The following ENTREP2 variants were observed in gnomAD, a reference collection of about 807,000 sequenced individuals.
ENTREP2 encodes the protein protein ENTREP2.
the ENTREP2 span, among the ~76,000 whole-genome samples, chr15:29,421,048 G>A: frequency 3.3e-5 from 5 of 152,298 alleles, no homozygotes; most frequent in Non-Finnish European, 5.9e-5. Flanking sequence ...GAGGGAACCC[G>A]GGCTGACAGC....
At chr15:29,205,218 C>A in the ENTREP2 span, among the ~76,000 whole-genome samples, 7 of 152,324 alleles carry the variant, frequency 4.6e-5, no homozygotes, top group African/African-American at 1.7e-4. Flanking sequence ...GATAATTCAT[C>A]TGTAGATGGA....
the ENTREP2 span, among the ~76,000 whole-genome samples, chr15:29,155,922 A>G: frequency 6.6e-6 from 1 of 152,060 alleles, no homozygotes; most frequent in Non-Finnish European, 1.5e-5. Flanking sequence ...TAATGTTTGT[A>G]GCAGGACTAG....
chr15:29,570,450 C>G, the ENTREP2 span: 813,022 of 1,125,428 alleles, frequency 0.72, 294,924 homozygotes, highest in South Asian at 0.79. Context: ...AGCGCCTAGC[C>G]CCCCCGGCCC....
the ENTREP2 span, among the ~76,000 whole-genome samples, chr15:29,219,254 A>G: frequency 2.0e-5 from 3 of 152,204 alleles, no homozygotes; most frequent in Non-Finnish European, 4.4e-5. Flanking sequence ...AATCAAAACC[A>G]TAATGCAATA....
the ENTREP2 span, among the ~76,000 whole-genome samples, chr15:29,627,826 T>C: frequency 6.6e-6 from 1 of 152,204 alleles, no homozygotes; most frequent in African/African-American, 2.4e-5. Flanking sequence ...ATTTCCTTCT[T>C]TTTTAAGACT....
At chr15:29,502,995 A>C in the ENTREP2 span, among the ~76,000 whole-genome samples, 2 of 152,134 alleles carry the variant, frequency 1.3e-5, no homozygotes, top group African/African-American at 4.8e-5. Flanking sequence ...ACTGGAACTC[A>C]TACGTTGCTG....
the ENTREP2 span, among the ~76,000 whole-genome samples, chr15:29,561,605 G>A: frequency 2.6e-5 from 4 of 151,984 alleles, no homozygotes; most frequent in South Asian, 2.1e-4. Context: ...GGAGAATGGC[G>A]TGAACCCAGC....
chr15:29,309,108 T>G, the ENTREP2 span, among the ~76,000 whole-genome samples: 2 of 152,182 alleles, frequency 1.3e-5, no homozygotes, highest in African/African-American at 4.8e-5. Context: ...ATCTGTCTTG[T>G]GTCAATTTAA....
the ENTREP2 span, among the ~76,000 whole-genome samples, chr15:29,489,926 A>T: frequency 6.6e-6 from 1 of 152,268 alleles, no homozygotes; most frequent in Admixed American, 6.5e-5. Flanking sequence ...GATCACCACA[A>T]AAATGTTCAA....
the ENTREP2 span, among the ~76,000 whole-genome samples, chr15:29,480,667 G>A: frequency 2.4e-4 from 36 of 152,252 alleles, no homozygotes; most frequent in Non-Finnish European, 3.2e-4. Context: ...GAGGGGGAGC[G>A]GGGGCAGAGC....
At chr15:29,411,891 G>A in the ENTREP2 span, among the ~76,000 whole-genome samples, 5 of 152,252 alleles carry the variant, frequency 3.3e-5, no homozygotes, top group Admixed American at 6.5e-5. Context: ...GGCCTGCCCT[G>A]CATCGTTTCA....
the ENTREP2 span, among the ~76,000 whole-genome samples, chr15:29,134,378 G>A: frequency 1.2e-4 from 19 of 152,130 alleles, no homozygotes; most frequent in Admixed American, 1.2e-3. Flanking sequence ...GTCCTGGCCG[G>A]GGCTCAGGGG....
chr15:29,500,015 T>A, the ENTREP2 span, among the ~76,000 whole-genome samples: 1 of 152,050 alleles, frequency 6.6e-6, no homozygotes, highest in Admixed American at 6.6e-5. Context: ...CAGCACAATA[T>A]ACACTAATAA....
At chr15:29,344,541 A>C in the ENTREP2 span, among the ~76,000 whole-genome samples, 1 of 152,230 alleles carries the variant, frequency 6.6e-6, no homozygotes, top group Admixed American at 6.5e-5. Flanking sequence ...GCTGATGTTC[A>C]TAACACATGG....
the ENTREP2 span, among the ~76,000 whole-genome samples, chr15:29,421,539 TG>T: frequency 3.3e-5 from 5 of 152,230 alleles, no homozygotes; most frequent in African/African-American, 9.6e-5. Context: ...AGGGAACTAC[TG>T]GGTTTTCCTA....
the ENTREP2 span, among the ~76,000 whole-genome samples, chr15:29,658,508 A>G: frequency 6.6e-6 from 1 of 152,214 alleles, no homozygotes; most frequent in African/African-American, 2.4e-5. Flanking sequence ...TAGGGGTGAT[A>G]GAATCATCGT....
the ENTREP2 span, among the ~76,000 whole-genome samples, chr15:29,386,435 G>A: frequency 5.5e-4 from 84 of 152,298 alleles, no homozygotes; most frequent in African/African-American, 1.9e-3. Context: ...CACACGCCCG[G>A]TGAGGCGGAT....
chr15:29,510,789 G>A, the ENTREP2 span, among the ~76,000 whole-genome samples: 10,019 of 137,482 alleles, frequency 0.073, 385 homozygotes, highest in African/African-American at 0.077. Flanking sequence ...CAGCCTCGGC[G>A]ACAGAGTGAG....
the ENTREP2 span, among the ~76,000 whole-genome samples, chr15:29,413,370 G>T: frequency 2.6e-5 from 4 of 152,022 alleles, no homozygotes; most frequent in Non-Finnish European, 5.9e-5. Context: ...CAGATTGATC[G>T]ATTTCTACCT....
Sources: gnomAD v4.1 joint callset for allele counts (sites outside exome capture counted in the v4.1 genomes callset) on GRCh38, gnomAD v4.1.1 for gene constraint, MANE v1.5 for transcripts, NCBI Gene and HGNC (gene_info 2026-07-23, HGNC 2026-07-21) for gene names.